RIMS1: variants seen among roughly 807,000 people sequenced by gnomAD.
The protein encoded by RIMS1 is regulating synaptic membrane exocytosis protein 1.
In RIMS1, 83 loss-of-function variants were observed where a neutral mutation model predicts 214.1. The ratio of observed to expected loss-of-function variants is 0.39; its 90% confidence interval spans 0.32 to 0.47. The LOEUF (loss-of-function observed/expected upper bound fraction) is 0.47, where lower values mean the gene tolerates loss of function less well. Among genes scored for constraint, RIMS1 ranks in the 20% least tolerant of loss-of-function variants. RIMS1 has a pLI of 0.99. For missense variants in RIMS1, 2,050 were observed against 2,161.8 expected (o/e 0.95, Z 1.03); for synonymous variants, 793 against 786.8 (o/e 1.01, Z -0.13).
At position 72,307,353 on chromosome 6, in the gene RIMS1, C is replaced by T. The variant is rs749244330; in HGVS notation, c.3946C>T (p.Arg1316Cys). Residue 1316 changes from arginine to cysteine, a missense_variant, in exon 27 of 34, where the codon CGC becomes TGC. Arg to Cys is a radical substitution (Grantham distance 180, BLOSUM62 -3). Coordinates refer to ENST00000521978, the MANE Select transcript of RIMS1 (RefSeq NM_014989.7). ...TGSGSSQELD[R>C]EQYSKYNIHK... ...GTCTGGTTCTAGTCAAGAACTTGAT[C>T]GCGAGCAATATTCCAAGGTAAAATT... is the stretch of plus-strand genomic sequence containing the variant. The T allele has an allele frequency of 1.6e-5, 26 of 1,596,612 alleles. No homozygotes were observed. The highest frequency in any genetic ancestry group is 2.0e-5 in the Non-Finnish European group (23 of 1,170,718).
At chr6:72,074,253 T>C (rs560051237) in intron 2 of RIMS1, among the ~76,000 whole-genome samples, 1 of 152,204 alleles carries the variant, frequency 6.6e-6, no homozygotes, top group Non-Finnish European at 1.5e-5. Context: ...ACATTCATAA[T>C]GGATTGTGTT....
At chr6:72,240,638 T>A (rs1332868538) in intron 9 of RIMS1, among the ~76,000 whole-genome samples, 2 of 146,718 alleles carry the variant, frequency 1.4e-5, no homozygotes, top group African/African-American at 5.0e-5. Flanking sequence ...TTCTTTTTTT[T>A]TTTTTTTTTT....
rs116780616 is a variant in RIMS1 at position 72,071,930 on chromosome 6, G to A, written c.246-25019G>A. On this transcript the variant is annotated intron_variant, in intron 2 of 33. Coordinates refer to ENST00000521978, the MANE Select transcript of RIMS1 (RefSeq NM_014989.7). ...GCAGTCTTCAAATATTTGGATTAAT[G>A]TCATGTGGAAAAAGGGTTAGGTTTA... 3.3e-3 allele frequency among the ~76,000 whole-genome samples: 504 copies of A among 152,310 alleles called. 2 individuals carry two copies. The highest frequency in any genetic ancestry group is 5.5e-3 in the Non-Finnish European group (373 of 68,020).
intron 27 of RIMS1, among the ~76,000 whole-genome samples, chr6:72,310,562 T>G (rs896180553): frequency 6.6e-5 from 10 of 152,074 alleles, no homozygotes; most frequent in Non-Finnish European, 4.4e-5. Context: ...GTGATGGGTT[T>G]TGTAGGTAGC....
rs144650213 is a variant in RIMS1 at position 72,039,575 on chromosome 6, T to G, written c.246-57374T>G. Among the ~76,000 whole-genome samples the G allele has an allele frequency of 9.1e-4, 139 of 152,190 alleles. 1 individual carries two copies. The East Asian group carries it at 0.023, about 25-fold the overall frequency. ...CTTACTGCTCAGAAAAAGGTGCCCT[T>G]CATTAAATGCTTCCAAAGTACCTCT... On this transcript the variant is annotated intron_variant, in intron 2 of 33. Coordinates refer to ENST00000521978, the MANE Select transcript of RIMS1 (RefSeq NM_014989.7).
At chr6:72,316,666 A>T in intron 28 of RIMS1, 1 of 564,138 alleles carries the variant, frequency 1.8e-6, no homozygotes, top group Non-Finnish European at 3.5e-6. Flanking sequence ...GCTGACCCAA[A>T]TGTCATAGAT....
intron 6 of RIMS1, among the ~76,000 whole-genome samples, chr6:72,230,856 G>A (rs777232715): frequency 7.3e-5 from 11 of 151,394 alleles, no homozygotes; most frequent in Non-Finnish European, 1.3e-4. Flanking sequence ...CATTGAACTT[G>A]GCTAGTTATG....
chr6:72,044,383 A>G (rs893949697), intron 2 of RIMS1, among the ~76,000 whole-genome samples: 27 of 151,934 alleles, frequency 1.8e-4, no homozygotes, highest in African/African-American at 6.5e-4. Flanking sequence ...AAAAATTGAT[A>G]AATTGTATTT....
chr6:72,296,901 T>G (rs1323444397), intron 26 of RIMS1, among the ~76,000 whole-genome samples: 2 of 151,842 alleles, frequency 1.3e-5, no homozygotes, highest in Non-Finnish European at 2.9e-5. Flanking sequence ...CAAACCCAGA[T>G]CTTTTTACTT....
chr6:72,213,325 A>G lies in RIMS1; in HGVS notation c.1679-20448A>G, dbSNP rs562615694. The G allele has an allele frequency of 3.4e-4, 367 of 1,080,028 alleles. 1 individual carries two copies. In the East Asian group the frequency reaches 9.2e-3, roughly 27 times the overall value. The allele number at this position is 1,080,028 out of a possible 1,614,324, so 66.9% of individuals were successfully genotyped here. A position where few individuals can be genotyped will look rare whatever the true frequency, so the allele number is the denominator to read the frequency against. The stretch of plus-strand genomic sequence containing the variant: ...TCTATTTTCCAGTCAAAATATTTCT[A>G]TTCTCTGTGTGTCAGGTGCACAGTG... On this transcript the variant is annotated intron_variant, in intron 6 of 33. Transcript: ENST00000521978.
intron 6 of RIMS1, among the ~76,000 whole-genome samples, chr6:72,202,010 G>A (rs760699943): frequency 1.3e-5 from 2 of 152,176 alleles, no homozygotes; most frequent in Non-Finnish European, 2.9e-5. Context: ...GGGCATTTCT[G>A]ATTCTTACTG....
chr6:72,175,974 T>G (rs1588570030), intron 4 of RIMS1, among the ~76,000 whole-genome samples: 1 of 152,316 alleles, frequency 6.6e-6, no homozygotes, highest in African/African-American at 2.4e-5. Flanking sequence ...GAAAAGACAA[T>G]TAAAAATGCA....
At chr6:71,930,487 C>G (rs1015001113) in intron 1 of RIMS1, among the ~76,000 whole-genome samples, 4 of 151,790 alleles carry the variant, frequency 2.6e-5, no homozygotes, top group African/African-American at 9.7e-5. Context: ...ATGGAAAGAC[C>G]CTAGAGATTA....
intron 6 of RIMS1, among the ~76,000 whole-genome samples, chr6:72,197,399 A>G (rs2051168695): frequency 6.6e-6 from 1 of 152,144 alleles, no homozygotes; most frequent in African/African-American, 2.4e-5. Context: ...GAGCAGAAGA[A>G]TGCTTAAAAA....
At chr6:72,372,597 C>T (rs1281819984) in intron 29 of RIMS1, among the ~76,000 whole-genome samples, 1 of 152,176 alleles carries the variant, frequency 6.6e-6, no homozygotes, top group Non-Finnish European at 1.5e-5. Context: ...CAGGGACATA[C>T]AGTACTTTTC....
At chr6:72,209,472 C>T (rs2053460494) in intron 6 of RIMS1, among the ~76,000 whole-genome samples, 1 of 152,172 alleles carries the variant, frequency 6.6e-6, no homozygotes, top group Non-Finnish European at 1.5e-5. Context: ...ACTAATTTTG[C>T]CTTCTATCTT....
chr6:72,287,820 C>T (rs547288723), intron 24 of RIMS1, among the ~76,000 whole-genome samples: 2 of 152,234 alleles, frequency 1.3e-5, no homozygotes, highest in Admixed American at 6.5e-5. Context: ...TCTTGAACTC[C>T]TGACCTTATG....
intron 4 of RIMS1, among the ~76,000 whole-genome samples, chr6:72,104,414 A>G (rs572443524): frequency 1.5e-3 from 224 of 152,244 alleles, no homozygotes; most frequent in Non-Finnish European, 2.4e-3. Flanking sequence ...CTGCCACCCA[A>G]CTTTCAATAT....
At chr6:72,033,462 C>T (rs1393815220) in intron 2 of RIMS1, among the ~76,000 whole-genome samples, 1 of 152,116 alleles carries the variant, frequency 6.6e-6, no homozygotes, top group Non-Finnish European at 1.5e-5. Context: ...TTTCAGTGGT[C>T]ATCTCTTCCA....
Sources: gnomAD v4.1 joint callset for allele counts (sites outside exome capture counted in the v4.1 genomes callset) on GRCh38, gnomAD v4.1.1 for gene constraint, MANE v1.5 for transcripts, NCBI Gene and HGNC (gene_info 2026-07-23, HGNC 2026-07-21) for gene names.